The following MKLN1 variants were observed in gnomAD, a reference collection of about 807,000 sequenced individuals.
MKLN1 encodes muskelin.
Under a neutral mutation model 99.0 loss-of-function variants are expected in MKLN1, and 18 were observed. The observed-to-expected ratio is 0.18, with a 90% confidence interval of 0.13 to 0.27. The LOEUF (loss-of-function observed/expected upper bound fraction) is 0.27, where lower values mean the gene tolerates loss of function less well. Ranked by LOEUF, MKLN1 falls within the 10% of genes least tolerant of loss-of-function variation. The pLI, the probability that MKLN1 is intolerant of heterozygous loss-of-function variation, is 1.00. For synonymous variants in MKLN1, 288 were observed against 293.2 expected (o/e 0.98, Z 0.18); for missense variants, 621 against 875.9 (o/e 0.71, Z 3.67).
At chr7:131,404,296 C>T (rs184993314) in intron 6 of MKLN1, among the ~76,000 whole-genome samples, 3 of 152,262 alleles carry the variant, frequency 2.0e-5, no homozygotes, top group African/African-American at 7.2e-5. Context: ...CTAGTGAAGG[C>T]AACTGGACCT....
intron 1 of MKLN1, among the ~76,000 whole-genome samples, chr7:131,354,513 G>GT (rs905796465): frequency 8.1e-5 from 12 of 147,788 alleles, no homozygotes; most frequent in Middle Eastern, 3.5e-3. Flanking sequence ...ATTTTTTTTT[G>GT]TGGGGGGGGG....
intron 10 of MKLN1, among the ~76,000 whole-genome samples, chr7:131,439,161 A>C (rs957994465): frequency 6.6e-6 from 1 of 152,214 alleles, no homozygotes; most frequent in Non-Finnish European, 1.5e-5. Flanking sequence ...CGTGGAAAAT[A>C]AGCATGCCAA....
Position 131,492,662 on chromosome 7 carries a change from G to A in MKLN1, c.*4934G>A, listed in dbSNP as rs1584796578. ...GAGGTGGGAGGATCACTTGAACCCA[G>A]GAGTTTGGGGTGCAGTGAGCTATGA... is the stretch of plus-strand genomic sequence containing the variant. On this transcript the variant is annotated 3_prime_UTR_variant, in exon 18 of 18. Coordinates refer to ENST00000352689, the MANE Select transcript of MKLN1 (RefSeq NM_013255.5). The A allele has an allele frequency of 6.7e-6, 1 of 150,110 alleles. No individual in the cohort carries two copies. The highest frequency in any genetic ancestry group is 1.5e-5 in the Non-Finnish European group (1 of 67,908). The allele number at this position is 150,110 out of a possible 1,614,324, so 9.3% of individuals were successfully genotyped here.
intron 3 of MKLN1, among the ~76,000 whole-genome samples, chr7:131,251,381 G>A (rs775592031): frequency 4.6e-5 from 7 of 152,110 alleles, no homozygotes; most frequent in Non-Finnish European, 8.8e-5. Flanking sequence ...GCTTTGGCCG[G>A]TTGCTCTCAA....
chr7:131,402,722 A>G (rs1043271819), intron 6 of MKLN1, among the ~76,000 whole-genome samples: 3 of 152,228 alleles, frequency 2.0e-5, no homozygotes, highest in Non-Finnish European at 2.9e-5. Flanking sequence ...TTCTCCATCA[A>G]GCTCTTGGGT....
rs184733602 is a variant in MKLN1, at chr7:131,302,754, T to C, written c.-178-72670T>C. Reference sequence around the variant, plus strand: ...TGTTGTGTCTGAGATTTTTTAAAATTCTGAAAGGGTGAAGGCCAACCATTA... The same window carrying C: ...TGTTGTGTCTGAGATTTTTTAAAATCCTGAAAGGGTGAAGGCCAACCATTA... On this transcript the variant is annotated intron_variant, in intron 3 of 7. Transcript: ENST00000416992. Among the ~76,000 whole-genome samples the C allele has an allele frequency of 5.3e-5, 8 of 152,316 alleles. No individual in the cohort carries two copies. The East Asian group carries it at 1.3e-3, about 26-fold the overall frequency.
Position 131,328,011 on chromosome 7 carries a change from C to G in MKLN1, c.98+14C>G. 1 of 1,613,506 alleles carries G rather than the reference C, an allele frequency of 6.2e-7. No homozygotes were observed. The highest frequency in any genetic ancestry group is 2.2e-5 in the East Asian group (1 of 44,854). ...CTACCTTCCCGAGTAAGTGCCGGGC[C>G]TTGAGCTCGTGCTGCCCCACCCTTC... On this transcript the variant is annotated intron_variant, in intron 1 of 17. Transcript: ENST00000352689.
chr7:131,207,022 G>A (rs1796823042), intron 3 of MKLN1, among the ~76,000 whole-genome samples: 1 of 152,158 alleles, frequency 6.6e-6, no homozygotes, highest in Non-Finnish European at 1.5e-5. Flanking sequence ...TATGGTAGAG[G>A]AGATGGTGAT....
At chr7:131,421,086 T>G (rs1319767896) in intron 8 of MKLN1, among the ~76,000 whole-genome samples, 1 of 152,250 alleles carries the variant, frequency 6.6e-6, no homozygotes, top group Non-Finnish European at 1.5e-5. Flanking sequence ...TTATCATTAC[T>G]TCGGGATCTA....
At chr7:131,196,058 T>G (rs1368856714) in intron 2 of MKLN1, among the ~76,000 whole-genome samples, 1 of 152,250 alleles carries the variant, frequency 6.6e-6, no homozygotes, top group East Asian at 1.9e-4. Flanking sequence ...ATATGTAAAT[T>G]TTTTAGAAAC....
At chr7:131,258,750 A>G (rs1350159583) in intron 3 of MKLN1, among the ~76,000 whole-genome samples, 1 of 152,182 alleles carries the variant, frequency 6.6e-6, no homozygotes, top group Non-Finnish European at 1.5e-5. Context: ...TTATGAGATC[A>G]ATTCTAGTCA....
At chr7:131,314,312 G>C (rs1042668670) in intron 3 of MKLN1, among the ~76,000 whole-genome samples, 1 of 152,208 alleles carries the variant, frequency 6.6e-6, no homozygotes, top group African/African-American at 2.4e-5. Flanking sequence ...AAGGGAGTGA[G>C]AGGCAGCTTT....
At chr7:131,302,645 C>A (rs1317092454) in intron 3 of MKLN1, among the ~76,000 whole-genome samples, 2 of 152,296 alleles carry the variant, frequency 1.3e-5, no homozygotes, top group African/African-American at 4.8e-5. Context: ...TCCTGGGATT[C>A]CTGCCCGCCT....
At chr7:131,433,924 C>T (rs1305766985) in intron 9 of MKLN1, among the ~76,000 whole-genome samples, 2 of 149,444 alleles carry the variant, frequency 1.3e-5, no homozygotes, top group Admixed American at 6.7e-5. Context: ...GCTCTTGTTG[C>T]CTAGGCCAGA....
chr7:131,136,271 G>T (rs1431209505), intron 1 of MKLN1, among the ~76,000 whole-genome samples: 1 of 152,214 alleles, frequency 6.6e-6, no homozygotes, highest in African/African-American at 2.4e-5. Context: ...CACCAAGTCT[G>T]CCTGGTCAGG....
intron 2 of MKLN1, among the ~76,000 whole-genome samples, chr7:131,162,506 T>A (rs1052933884): frequency 2.0e-5 from 3 of 152,234 alleles, no homozygotes; most frequent in Non-Finnish European, 4.4e-5. Flanking sequence ...CTTTGGTTTC[T>A]GATCATTCGA....
Position 131,145,194 on chromosome 7 carries a change from C to T in MKLN1, c.-297+2253C>T, listed in dbSNP as rs368481022. 4.6e-5 allele frequency among the ~76,000 whole-genome samples: 7 copies of T among 152,130 alleles called. No individual in the cohort carries two copies. The East Asian group carries it at 1.3e-3, about 29-fold the overall frequency. On this transcript the variant is annotated intron_variant, in intron 2 of 7. Coordinates refer to the MKLN1 transcript ENST00000416992. The stretch of plus-strand genomic sequence containing the variant: ...TGGAGGATACAATCAGATTCTCTCC[C>T]CACCCCCAATCCTGACAAAATGTAA...
At chr7:131,116,073 A>T (rs1795273578) in intron 1 of MKLN1, among the ~76,000 whole-genome samples, 1 of 152,174 alleles carries the variant, frequency 6.6e-6, no homozygotes, top group South Asian at 2.1e-4. Context: ...TGGGATGCCG[A>T]GGCGGGCAGA....
chr7:131,328,626 G>A (rs1798970041), intron 1 of MKLN1, among the ~76,000 whole-genome samples: 1 of 152,154 alleles, frequency 6.6e-6, no homozygotes, highest in African/African-American at 2.4e-5. Context: ...ATAGGGAGTG[G>A]GAAGGAGGGA....
Sources: gnomAD v4.1 joint callset for allele counts (sites outside exome capture counted in the v4.1 genomes callset) on GRCh38, gnomAD v4.1.1 for gene constraint, MANE v1.5 for transcripts, NCBI Gene and HGNC (gene_info 2026-07-23, HGNC 2026-07-21) for gene names.